RNLS: variants seen among roughly 807,000 people sequenced by gnomAD.
The protein encoded by RNLS is renalase, FAD dependent amine oxidase.
Under a neutral mutation model 39.8 loss-of-function variants are expected in RNLS, and 39 were observed. That is an observed-to-expected ratio of 0.98 (90% CI 0.76 to 1.28). The LOEUF (loss-of-function observed/expected upper bound fraction) is 1.28, where lower values mean the gene tolerates loss of function less well. Among genes scored for constraint, RNLS ranks in the 50% most tolerant of loss-of-function variants. The probability of loss-of-function intolerance (pLI) is 0.00; values close to 1 mark genes in which losing one functional copy is unlikely to be tolerated. For missense variants in RNLS, 410 were observed against 413.3 expected, an observed-to-expected ratio of 0.99 and a Z score of 0.07; for synonymous variants, 147 against 150.7, an observed-to-expected ratio of 0.98 and a Z score of 0.18.
downstream of RNLS, among the ~76,000 whole-genome samples, chr10:88,269,882 C>G (rs1842603916): frequency 6.6e-6 from 1 of 152,168 alleles, no homozygotes; most frequent in African/African-American, 2.4e-5. Flanking sequence ...GAGTCTCGCT[C>G]TGTTGCCCAG....
At chr10:88,376,308 G>C (rs1229248750) in intron 4 of RNLS, among the ~76,000 whole-genome samples, 1 of 151,968 alleles carries the variant, frequency 6.6e-6, no homozygotes, top group African/African-American at 2.4e-5. Context: ...AATCCCTTTA[G>C]TGAAAAAAGG....
the RNLS span, among the ~76,000 whole-genome samples, chr10:88,253,506 T>C: frequency 6.6e-6 from 1 of 152,194 alleles, no homozygotes; most frequent in African/African-American, 2.4e-5. Context: ...TTTGTTTCTA[T>C]AGAAACATTT....
At chr10:88,186,976 C>T in the RNLS span, among the ~76,000 whole-genome samples, 4 of 151,288 alleles carry the variant, frequency 2.6e-5, no homozygotes, top group Non-Finnish European at 4.4e-5. Flanking sequence ...GCAAACTCTT[C>T]ATGGAAAAGA....
intron 4 of RNLS, among the ~76,000 whole-genome samples, chr10:88,521,753 AAG>A (rs1405514973): frequency 6.6e-6 from 1 of 152,066 alleles, no homozygotes; most frequent in African/African-American, 2.4e-5. Context: ...TAAAAAGAAA[AAG>A]AGTTAAAATT....
chr10:88,275,164 T>C, intron 6 of RNLS: 2 of 614,638 alleles, frequency 3.3e-6, no homozygotes, highest in South Asian at 5.3e-5. Flanking sequence ...GGGTTCTGGC[T>C]CTATAGGTGG....
chr10:88,305,182 C>T (rs1844829716), intron 6 of RNLS, among the ~76,000 whole-genome samples: 1 of 152,146 alleles, frequency 6.6e-6, no homozygotes, highest in Admixed American at 6.5e-5. Context: ...CCAGACCTGT[C>T]TTACAAGAGC....
chr10:88,528,741 T>A (rs1324379802), intron 4 of RNLS, among the ~76,000 whole-genome samples: 3 of 151,570 alleles, frequency 2.0e-5, no homozygotes, highest in African/African-American at 7.3e-5. Context: ...TAATCCCAGC[T>A]ACTCAGGAGG....
chr10:88,284,826 C>T lies in RNLS; in HGVS notation c.*528G>A, dbSNP rs770483170. 4.1e-6 allele frequency: 4 copies of T among 985,116 alleles called. No homozygotes were observed. Among genetic ancestry groups the T allele is most frequent in the Non-Finnish European group, 4.8e-6 (4 of 829,850 alleles). The allele number at this position is 985,116 out of a possible 1,614,324, so 61.0% of individuals were successfully genotyped here. ...CTAAGATGATGACATATATGACCTA[C>T]AATTCAGGATCACTTAATAACTTGG... is the stretch of plus-strand genomic sequence containing the variant. On this transcript the variant is annotated 3_prime_UTR_variant, in exon 7 of 7. Coordinates refer to ENST00000331772, the MANE Select transcript of RNLS (RefSeq NM_001031709.3).
the RNLS span, among the ~76,000 whole-genome samples, chr10:88,236,738 C>A: frequency 6.6e-6 from 1 of 152,148 alleles, no homozygotes; most frequent in African/African-American, 2.4e-5. Context: ...CAGGCCTGTG[C>A]AGATAAAGCA....
chr10:88,509,294 T>G (rs1302933183), intron 4 of RNLS, among the ~76,000 whole-genome samples: 1 of 152,120 alleles, frequency 6.6e-6, no homozygotes, highest in South Asian at 2.1e-4. Flanking sequence ...AGGGACAGAA[T>G]TGCACTTGTC....
intron 4 of RNLS, among the ~76,000 whole-genome samples, chr10:88,446,084 T>C (rs1195301009): frequency 2.6e-5 from 4 of 152,302 alleles, no homozygotes; most frequent in South Asian, 2.1e-4. Context: ...CCTCAGCAGA[T>C]GTAAAAGAAC....
At chr10:88,184,631 C>A in the RNLS span, among the ~76,000 whole-genome samples, 21 of 152,146 alleles carry the variant, frequency 1.4e-4, no homozygotes, top group South Asian at 4.2e-3. Context: ...TTAAGATGAC[C>A]CATCTTTTGC....
chr10:88,420,258 G>A (rs1342563891), intron 4 of RNLS, among the ~76,000 whole-genome samples: 1 of 151,458 alleles, frequency 6.6e-6, no homozygotes, highest in East Asian at 1.9e-4. Context: ...CTTTCTTTTT[G>A]GTCACCAGAG....
At chr10:88,508,325 T>C (rs1442061931) in intron 4 of RNLS, among the ~76,000 whole-genome samples, 2 of 152,148 alleles carry the variant, frequency 1.3e-5, no homozygotes, top group Non-Finnish European at 2.9e-5. Flanking sequence ...GAAAATTACA[T>C]GATTTTTCCA....
At chr10:88,471,818 A>T (rs556536060) in intron 4 of RNLS, among the ~76,000 whole-genome samples, 1 of 152,246 alleles carries the variant, frequency 6.6e-6, no homozygotes, top group South Asian at 2.1e-4. Flanking sequence ...ATGTATGACA[A>T]CACATGCTCA....
chr10:88,498,431 A>G (rs1292248724), intron 4 of RNLS, among the ~76,000 whole-genome samples: 1 of 151,406 alleles, frequency 6.6e-6, no homozygotes, highest in Admixed American at 6.6e-5. Context: ...TAGATTAAAG[A>G]AAATCAGAGA....
At chr10:88,307,069 A>C (rs185921657) in intron 6 of RNLS, among the ~76,000 whole-genome samples, 6 of 152,318 alleles carry the variant, frequency 3.9e-5, no homozygotes, top group Admixed American at 6.5e-5. Flanking sequence ...AAATACAAAA[A>C]CCACATGATT....
chr10:88,440,331 C>CA (rs1416633936), intron 4 of RNLS, among the ~76,000 whole-genome samples: 2 of 152,172 alleles, frequency 1.3e-5, no homozygotes, highest in Non-Finnish European at 2.9e-5. Flanking sequence ...GATACTCCTC[C>CA]AATCAAAGCA....
chr10:88,512,866 T>C (rs1846206667), intron 4 of RNLS, among the ~76,000 whole-genome samples: 2 of 152,130 alleles, frequency 1.3e-5, no homozygotes, highest in African/African-American at 4.8e-5. Context: ...ACTATGCCTT[T>C]CTCCTTTATT....
Sources: allele counts gnomAD v4.1 joint callset (sites outside exome capture counted in the v4.1 genomes callset), GRCh38; gene constraint gnomAD v4.1.1; transcripts MANE v1.5; gene names NCBI Gene and HGNC (gene_info 2026-07-23, HGNC 2026-07-21).